ADGRL2: variants seen among roughly 807,000 people sequenced by gnomAD.
The protein encoded by ADGRL2 is adhesion G protein-coupled receptor L2.
Under a neutral mutation model 157.4 loss-of-function variants are expected in ADGRL2, and 44 were observed. The observed-to-expected ratio is 0.28, with a 90% CI of 0.22 to 0.36. ADGRL2 has a LOEUF of 0.36. ADGRL2 is among the 10% of genes least tolerant of loss of function. ADGRL2 has a pLI of 1.00. For missense variants in ADGRL2, 1,510 were observed against 1,768.9 expected (o/e 0.85, Z 2.63); for synonymous variants, 585 against 624.7 (o/e 0.94, Z 0.95).
At chr1:81,807,151 T>C (rs1571329934) in intron 1 of ADGRL2, among the ~76,000 whole-genome samples, 1 of 152,034 alleles carries the variant, frequency 6.6e-6, no homozygotes, top group Non-Finnish European at 1.5e-5. Flanking sequence ...ATAGCAAGTT[T>C]AGCTACTAAG....
At chr1:81,407,545 T>C (rs2076874597) in intron 1 of ADGRL2, among the ~76,000 whole-genome samples, 1 of 152,252 alleles carries the variant, frequency 6.6e-6, no homozygotes, top group Admixed American at 6.5e-5. Context: ...ATTCTGCTTT[T>C]CAAGGATTCT....
At chr1:81,822,503 A>T (rs890347629) in intron 1 of ADGRL2, among the ~76,000 whole-genome samples, 15 of 151,524 alleles carry the variant, frequency 9.9e-5, no homozygotes, top group Non-Finnish European at 2.2e-4. Context: ...TTTTATTTTT[A>T]AAATTTTATT....
intron 17 of ADGRL2, among the ~76,000 whole-genome samples, chr1:81,977,586 T>C (rs1475244868): frequency 6.6e-6 from 1 of 151,822 alleles, no homozygotes; most frequent in Non-Finnish European, 1.5e-5. Context: ...TCCTCTTCTT[T>C]TTGCAATATA....
At chr1:81,359,577 A>G (rs879545797) in intron 1 of ADGRL2, among the ~76,000 whole-genome samples, 5 of 152,086 alleles carry the variant, frequency 3.3e-5, no homozygotes, top group African/African-American at 4.8e-5. Flanking sequence ...TAAGTCATAC[A>G]TAATAGACAT....
chr1:81,801,436 CCTCTCACT>C (rs1300272052), intron 1 of ADGRL2, among the ~76,000 whole-genome samples: 3 of 152,158 alleles, frequency 2.0e-5, no homozygotes, highest in Non-Finnish European at 4.4e-5. Flanking sequence ...CCTCTCGCTC[CCTCTCACT>C]CTCTCTCCGC....
intron 2 of ADGRL2, among the ~76,000 whole-genome samples, chr1:81,491,660 A>T (rs765615761): frequency 1.3e-5 from 2 of 152,194 alleles, no homozygotes; most frequent in African/African-American, 2.4e-5. Flanking sequence ...AAGAAAGGAA[A>T]TCTTATTTCC....
intron 1 of ADGRL2, among the ~76,000 whole-genome samples, chr1:81,343,534 A>G (rs1025021828): frequency 3.9e-5 from 6 of 152,192 alleles, no homozygotes; most frequent in African/African-American, 1.4e-4. Context: ...ACAAAATACC[A>G]CATGCTAAGT....
chr1:81,958,371 T>C (rs751200130), intron 11 of ADGRL2, among the ~76,000 whole-genome samples: 14 of 152,152 alleles, frequency 9.2e-5, no homozygotes, highest in Non-Finnish European at 2.1e-4. Flanking sequence ...GAGGGAAACG[T>C]TCACCTTTTT....
At position 81,816,159 on chromosome 1, in the gene ADGRL2, A is replaced by G. The variant is rs191429949; in HGVS notation, c.-101+15091A>G. On this transcript the variant is annotated intron_variant, in intron 1 of 23. Coordinates refer to ENST00000686636, the MANE Select transcript of ADGRL2 (RefSeq NM_001366006.2). ...TAATTCTGTGAAAATCAAGAGGAGC[A>G]TATCAAGGTTGCAGTTAATTCACCA... 2.5e-3 allele frequency among the ~76,000 whole-genome samples: 377 copies of G among 151,962 alleles called. 2 individuals are homozygous for G. Among genetic ancestry groups the G allele is most frequent in the South Asian group, 0.013 (65 of 4,820 alleles).
rs149711250 is a variant in ADGRL2 at position 81,749,144 on chromosome 1, A to G, written c.-142-12667A>G. On this transcript the variant is annotated intron_variant, in intron 1 of 20. Coordinates refer to the ADGRL2 transcript ENST00000359929. ...TTTTTTACCTTAAAAATTCCACTCAAACTGTTACCTCAACTCTTTCTTTCC... is the reference window on the plus strand; with the variant it reads ...TTTTTTACCTTAAAAATTCCACTCAGACTGTTACCTCAACTCTTTCTTTCC... 7.4e-4 allele frequency among the ~76,000 whole-genome samples: 112 copies of G among 152,282 alleles called. 3 individuals carry two copies. In the East Asian group the frequency reaches 0.021, roughly 28 times the overall value.
chr1:81,360,096 C>T (rs909455575), intron 1 of ADGRL2, among the ~76,000 whole-genome samples: 1 of 151,964 alleles, frequency 6.6e-6, no homozygotes, highest in Non-Finnish European at 1.5e-5. Context: ...ACATGGCCTT[C>T]AAGACTGTAC....
At chr1:81,621,663 G>A (rs4650570) in intron 3 of ADGRL2, among the ~76,000 whole-genome samples, 4,912 of 152,290 alleles carry the variant, frequency 0.032, 123 homozygotes, top group South Asian at 0.056. Context: ...CTGCAGCCCA[G>A]CTGACACCCA....
Position 81,724,990 on chromosome 1 carries a change from G to C in ADGRL2, c.-143+25182G>C, listed in dbSNP as rs575710123. ...GGAGGCCGAGGCAGGTGGATCACAA[G>C]GTCAGGAGTTTGAGACCAGCCTGGC... On this transcript the variant is annotated intron_variant, in intron 1 of 20. Transcript: ENST00000359929. Among the ~76,000 whole-genome samples the C allele has an allele frequency of 7.2e-5, 11 of 152,154 alleles. No individual in the cohort carries two copies. In the South Asian group the frequency reaches 2.3e-3, roughly 32 times the overall value.
intron 1 of ADGRL2, among the ~76,000 whole-genome samples, chr1:81,757,031 A>G (rs890994182): frequency 1.3e-5 from 2 of 152,142 alleles, no homozygotes; most frequent in African/African-American, 4.8e-5. Flanking sequence ...CCAGGGTGCC[A>G]TGGAAGTTTC....
intron 1 of ADGRL2, among the ~76,000 whole-genome samples, chr1:81,440,492 C>T (rs899405344): frequency 3.9e-5 from 6 of 152,172 alleles, no homozygotes; most frequent in Non-Finnish European, 8.8e-5. Flanking sequence ...CATATGGAGA[C>T]TCTCAGGCTT....
chr1:81,347,245 C>CA (rs1158712628), intron 1 of ADGRL2, among the ~76,000 whole-genome samples: 3 of 151,896 alleles, frequency 2.0e-5, no homozygotes, highest in African/African-American at 4.8e-5. Context: ...CTAAAAAACA[C>CA]AAAAAAATAG....
intron 7 of ADGRL2, 73 bp from the exon 8 acceptor site, chr1:81,950,945 C>T: frequency 1.1e-6 from 1 of 919,894 alleles, no homozygotes; most frequent in South Asian, 1.3e-5. Flanking sequence ...AGAGCAGGAT[C>T]ATCATAGCTG....
At chr1:81,441,605 A>G (rs2077508529) in intron 1 of ADGRL2, among the ~76,000 whole-genome samples, 1 of 151,922 alleles carries the variant, frequency 6.6e-6, no homozygotes, top group African/African-American at 2.4e-5. Flanking sequence ...GCTCACTGCA[A>G]CCTCTGCCTC....
At chr1:81,828,989 G>A (rs1262013700) in intron 1 of ADGRL2, among the ~76,000 whole-genome samples, 2 of 151,606 alleles carry the variant, frequency 1.3e-5, no homozygotes, top group East Asian at 3.9e-4. Context: ...TTGGCTCACT[G>A]CAACCTCCTC....
Sources: gnomAD v4.1 joint callset for allele counts (sites outside exome capture counted in the v4.1 genomes callset) on GRCh38, gnomAD v4.1.1 for gene constraint, MANE v1.5 for transcripts, NCBI Gene and HGNC (gene_info 2026-07-23, HGNC 2026-07-21) for gene names.